DCAF4: variants seen among roughly 807,000 people sequenced by gnomAD.
The protein encoded by DCAF4 is DDB1- and CUL4-associated factor 4.
In DCAF4, 37 loss-of-function variants were observed where a neutral mutation model predicts 60.9. The observed-to-expected ratio is 0.61, with a 90% CI of 0.47 to 0.80. The LOEUF is 0.80. Ranked by LOEUF, DCAF4 falls within the 30% of genes least tolerant of loss-of-function variation. The pLI is 0.00. For missense variants in DCAF4, 577 were observed against 650.0 expected, an observed-to-expected ratio of 0.89 and a Z score of 1.22; for synonymous variants, 243 against 254.8, an observed-to-expected ratio of 0.95 and a Z score of 0.44.
At chr14:72,955,326 G>A (rs1208730628) in intron 11 of DCAF4, among the ~76,000 whole-genome samples, 197 bp from the exon 12 acceptor site, 1 of 152,000 alleles carries the variant, frequency 6.6e-6, no homozygotes, top group East Asian at 1.9e-4. Flanking sequence ...GGACACATGG[G>A]GTCTGGTTCT....
In DCAF4 at chr14:72,940,596, T is replaced by G. The variant is rs796820553; in HGVS notation, c.351+219T>G. Reference sequence around the variant, plus strand: ...GTTTTCTTGTTCGATAAGTTGTTTTTTTTTTTTTTTTTGAGGCGGAATCTC... The same window carrying G: ...GTTTTCTTGTTCGATAAGTTGTTTTGTTTTTTTTTTTTGAGGCGGAATCTC... On this transcript the variant is annotated intron_variant, in intron 4 of 13. Coordinates refer to ENST00000358377, the MANE Select transcript of DCAF4 (RefSeq NM_015604.4). 2.1e-3 allele frequency: 961 copies of G among 458,594 alleles called. 13 individuals carry two copies. Among genetic ancestry groups the G allele is most frequent in the African/African-American group, 0.017 (828 of 48,138 alleles). 28.4% of individuals were successfully genotyped at this position (458,594 alleles called of 1,614,324 possible).
intron 6 of DCAF4, among the ~76,000 whole-genome samples, chr14:72,944,982 A>T (rs1310382299): frequency 2.6e-5 from 4 of 152,038 alleles, no homozygotes; most frequent in African/African-American, 7.3e-5. Context: ...CCAGCTACTC[A>T]GGAGGCTGAG....
chr14:72,941,542 C>T (rs1890046668), intron 4 of DCAF4, among the ~76,000 whole-genome samples: 1 of 152,100 alleles, frequency 6.6e-6, no homozygotes, highest in African/African-American at 2.4e-5. Context: ...CAGACTTTCC[C>T]ACTCACACTT....
chr14:72,929,021 C>A (rs1015749759), intron 1 of DCAF4, among the ~76,000 whole-genome samples: 1 of 152,146 alleles, frequency 6.6e-6, no homozygotes, highest in African/African-American at 2.4e-5. Flanking sequence ...TGCCATCCCC[C>A]ACACTTGGCT....
In DCAF4 at chr14:72,959,187, T is replaced by C. The variant is rs1892671754; in HGVS notation, c.*382T>C. On this transcript the variant is annotated 3_prime_UTR_variant, in exon 14 of 14. Coordinates refer to ENST00000358377, the MANE Select transcript of DCAF4 (RefSeq NM_015604.4). ...GAAGCCCAGTGATGAGACGGTGAGATGGTTTGAGTCCTCGGTGCCTGGGTA... is the reference window on the plus strand; with the variant it reads ...GAAGCCCAGTGATGAGACGGTGAGACGGTTTGAGTCCTCGGTGCCTGGGTA... 1 of 995,818 alleles carries C rather than the reference T, an allele frequency of 1.0e-6. No individual in the cohort carries two copies. Among genetic ancestry groups the C allele is most frequent in the African/African-American group, 1.7e-5 (1 of 57,584 alleles). 61.7% of individuals were successfully genotyped at this position (995,818 alleles called of 1,614,324 possible).
chr14:72,932,838 G>A (rs1331464193), intron 1 of DCAF4, among the ~76,000 whole-genome samples: 2 of 152,048 alleles, frequency 1.3e-5, no homozygotes, highest in Non-Finnish European at 2.9e-5. Flanking sequence ...CAAGCAGTTG[G>A]AACTGCAAGT....
intron 13 of DCAF4, 172 bp downstream of exon 13, chr14:72,956,672 T>C (rs1162069468): frequency 5.1e-6 from 3 of 587,546 alleles, no homozygotes; most frequent in Non-Finnish European, 9.1e-6. Context: ...ATTATATTAG[T>C]AATCAGGAGT....
intron 11 of DCAF4, among the ~76,000 whole-genome samples, 200 bp from the exon 12 acceptor site, chr14:72,955,323 T>C (rs1892121760): frequency 6.6e-6 from 1 of 151,990 alleles, no homozygotes; most frequent in African/African-American, 2.4e-5. Flanking sequence ...GGAGGACACA[T>C]GGGGTCTGGT....
Position 72,939,884 on chromosome 14 carries a change from G to A in DCAF4, c.175G>A (p.Gly59Arg). 6.2e-7 allele frequency: 1 copy of A among 1,609,886 alleles called. No homozygotes were observed. The highest frequency in any genetic ancestry group is 8.5e-7 in the Non-Finnish European group (1 of 1,178,202). ...TCCGTCAACCTCGTCTGGCACAGCT[G>A]GGACCTCCTCTGTGCCAGGTAAGGC... The part of the protein sequence containing the change: ...ESPSTSSGTA[G>R]TSSVPELPGF... Residue 59 changes from glycine to arginine, a missense_variant, in exon 3 of 14, where the codon GGG becomes AGG. Gly to Arg is a moderately radical substitution (Grantham distance 125). Transcript: ENST00000358377.
At chr14:72,933,368 G>C (rs974756595) in intron 1 of DCAF4, among the ~76,000 whole-genome samples, 7 of 152,148 alleles carry the variant, frequency 4.6e-5, no homozygotes, top group South Asian at 2.1e-4. Flanking sequence ...AGACCAGCCT[G>C]GCCATTATGG....
chr14:72,945,981 C>A lies in DCAF4; in HGVS notation c.632C>A (p.Thr211Lys). 6.2e-7 allele frequency: 1 copy of A among 1,614,128 alleles called. No homozygotes were observed. The highest frequency in any genetic ancestry group is 8.5e-7 in the Non-Finnish European group (1 of 1,180,026). ...IINLQSLKTP[T>K]LKVFMHENLY... Reference sequence around the variant, plus strand: ...AACCTGCAAAGTCTGAAGACCCCTACGCTCAAGGTGTTCATGCACGAAAAC... The same window carrying A: ...AACCTGCAAAGTCTGAAGACCCCTAAGCTCAAGGTGTTCATGCACGAAAAC... Residue 211 changes from threonine (T) to lysine (K), a missense_variant, in exon 7 of 14, where the codon ACG (threonine) becomes AAG (lysine). Physicochemically the swap from Thr to Lys is moderately conservative, Grantham distance 78 (BLOSUM62 -1). Coordinates refer to ENST00000358377, the MANE Select transcript of DCAF4 (RefSeq NM_015604.4).
intron 5 of DCAF4, 104 bp from the exon 6 acceptor site, chr14:72,942,890 C>T (rs182084455): frequency 1.0e-5 from 10 of 970,924 alleles, no homozygotes; most frequent in African/African-American, 4.9e-5. Flanking sequence ...AGCAGGCTGA[C>T]GAGGAGAGAT....
chr14:72,947,948 T>TCGG (rs1890955201), intron 8 of DCAF4, among the ~76,000 whole-genome samples: 1 of 152,140 alleles, frequency 6.6e-6, no homozygotes, highest in South Asian at 2.1e-4. Flanking sequence ...CAAAACCACA[T>TCGG]GTTAATGACT....
chr14:72,940,230 G>T lies in DCAF4; in HGVS notation c.204G>T (p.Gly68=). Reference sequence around the variant, plus strand: ...TTTTTTTGTCTAAAGAGCTACCTGGGTTTTACTTTGACCCTGAAAAGAAAC... The same window carrying T: ...TTTTTTTGTCTAAAGAGCTACCTGGTTTTTACTTTGACCCTGAAAAGAAAC... The part of the protein sequence containing the change: ...AGTSSVPELP[G]FYFDPEKKRY... Residue 68 remains glycine (G), a synonymous_variant, in exon 4 of 14, where the codon GGG becomes GGT. Transcript: ENST00000358377. The T allele has an allele frequency of 6.2e-7, 1 of 1,614,058 alleles. No individual in the cohort carries two copies. Among genetic ancestry groups the T allele is most frequent in the Non-Finnish European group, 8.5e-7 (1 of 1,179,994 alleles).
intron 8 of DCAF4, among the ~76,000 whole-genome samples, chr14:72,951,414 C>T (rs930472212): frequency 2.0e-5 from 3 of 152,042 alleles, no homozygotes; most frequent in Non-Finnish European, 2.9e-5. Flanking sequence ...GTGTTCGAGA[C>T]GAGTCTGACC....
At chr14:72,932,787 C>T (rs1027009335) in intron 1 of DCAF4, among the ~76,000 whole-genome samples, 6 of 152,120 alleles carry the variant, frequency 3.9e-5, no homozygotes, top group African/African-American at 1.4e-4. Flanking sequence ...CCACACTGGT[C>T]TCAAACTCTG....
rs914107183 is a variant in DCAF4 at position 72,941,655 on chromosome 14, C to T, written c.352-90C>T. Reference sequence around the variant, plus strand: ...CTGCCAATTTAGTGCCTGTTTCCTTCATTACATCCTATGGAACTAAAAACA... The same window carrying T: ...CTGCCAATTTAGTGCCTGTTTCCTTTATTACATCCTATGGAACTAAAAACA... On this transcript the variant is annotated intron_variant, in intron 4 of 13. Transcript: ENST00000358377. 5.7e-5 allele frequency: 71 copies of T among 1,250,382 alleles called. No individual in the cohort carries two copies. The African/African-American group carries it at 1.0e-3, about 18-fold the overall frequency. 77.5% of individuals were successfully genotyped at this position (1,250,382 alleles called of 1,614,324 possible). A position where few individuals can be genotyped will look rare whatever the true frequency, so the allele number is the denominator to read the frequency against.
downstream of DCAF4, among the ~76,000 whole-genome samples, chr14:72,960,042 C>T (rs1892743599): frequency 1.3e-5 from 2 of 152,192 alleles, no homozygotes; most frequent in Non-Finnish European, 2.9e-5. Context: ...TACAGCTGGT[C>T]ATCACACCTC....
chr14:72,954,494 T>C lies in DCAF4; in HGVS notation c.1005+11T>C, dbSNP rs764203214. 7 of 1,613,932 alleles carry C rather than the reference T, an allele frequency of 4.3e-6. No individual in the cohort carries two copies. In the South Asian group the frequency reaches 4.4e-5, roughly 10 times the overall value. On this transcript the variant is annotated intron_variant, in intron 11 of 13. Transcript: ENST00000358377. ...CAGTTTGCTCTCATGGTTGGTTGGA[T>C]TGGGACAGGCAGAATATAAAAGTTT... is the stretch of plus-strand genomic sequence containing the variant.
Sources: allele counts gnomAD v4.1 joint callset (sites outside exome capture counted in the v4.1 genomes callset), GRCh38; gene constraint gnomAD v4.1.1; transcripts MANE v1.5; gene names NCBI Gene and HGNC (gene_info 2026-07-23, HGNC 2026-07-21).